Variants in SETD7 observed in about 807,000 individuals in gnomAD.
The protein encoded by SETD7 is histone-lysine N-methyltransferase SETD7.
A neutral mutation model predicts 41.8 loss-of-function variants in SETD7; 16 were observed. The ratio of observed to expected loss-of-function variants is 0.38; its 90% CI spans 0.26 to 0.58. The LOEUF is 0.58. Among genes scored for constraint, SETD7 ranks in the 20% least tolerant of loss-of-function variants. The pLI is 0.64. For synonymous variants in SETD7, 163 were observed against 169.7 expected (o/e 0.96, Z 0.31); for missense variants, 346 against 459.7 (o/e 0.75, Z 2.26).
intron 2 of SETD7, among the ~76,000 whole-genome samples, chr4:139,535,501 A>G (rs935410332): frequency 6.6e-6 from 1 of 152,156 alleles, no homozygotes; most frequent in Admixed American, 6.5e-5. Context: ...TAGTCTGCCA[A>G]TATTTCTCAG....
At chr4:139,543,694 C>T (rs1007276305) in intron 2 of SETD7, among the ~76,000 whole-genome samples, 5 of 151,498 alleles carry the variant, frequency 3.3e-5, no homozygotes, top group Admixed American at 1.3e-4. Flanking sequence ...GGCTCACACC[C>T]GTAATCCCAG....
rs769809052 is a variant in SETD7 at position 139,511,782 on chromosome 4, C to T, written c.982G>A (p.Asp328Asn). 21 of 1,614,026 alleles carry T rather than the reference C, an allele frequency of 1.3e-5. No individual in the cohort carries two copies. Among genetic ancestry groups the T allele is most frequent in the Non-Finnish European group, 1.7e-5 (20 of 1,180,006 alleles). ...CCATAGGCAACGGTGAGCTCTTCATCGGCCTCCACTGCTCTCAGGGTGCGG... is the reference window on the plus strand; with the variant it reads ...CCATAGGCAACGGTGAGCTCTTCATTGGCCTCCACTGCTCTCAGGGTGCGG... Reference protein sequence around the residue: ...CIRTLRAVEADEELTVAYGYD... With the variant: ...CIRTLRAVEANEELTVAYGYD... Residue 328 changes from aspartate to asparagine, a missense_variant, in exon 8 of 8, where the codon GAT becomes AAT. Asp to Asn is a conservative substitution (Grantham distance 23). Coordinates refer to ENST00000274031, the MANE Select transcript of SETD7 (RefSeq NM_030648.4).
intron 3 of SETD7, among the ~76,000 whole-genome samples, chr4:139,530,916 C>T (rs1727465931): frequency 6.6e-6 from 1 of 152,050 alleles, no homozygotes; most frequent in Non-Finnish European, 1.5e-5. Context: ...TTTTTTCTCC[C>T]CTTGTTCCTG....
intron 1 of SETD7, among the ~76,000 whole-genome samples, chr4:139,549,051 T>G (rs72726580): frequency 6.6e-6 from 1 of 152,334 alleles, no homozygotes; most frequent in Non-Finnish European, 1.5e-5. Flanking sequence ...AGTGTATTGC[T>G]AAGAGCTTTT....
intron 1 of SETD7, among the ~76,000 whole-genome samples, chr4:139,553,600 A>G (rs1366056176): frequency 6.6e-6 from 1 of 152,228 alleles, no homozygotes; most frequent in African/African-American, 2.4e-5. Context: ...TAACTTCTGT[A>G]TGCCTCAGTT....
chr4:139,496,399 C>T, exon 8 of SETD7: 2 of 702,522 alleles, frequency 2.8e-6, no homozygotes, highest in Non-Finnish European at 5.2e-6. Flanking sequence ...TTGGGCTGCA[C>T]TATAAAGAGG....
At chr4:139,532,971 C>A (rs746858641) in intron 3 of SETD7, 194 bp downstream of exon 3, 4 of 591,960 alleles carry the variant, frequency 6.8e-6, no homozygotes, top group Non-Finnish European at 1.2e-5. Flanking sequence ...TAATTAATAA[C>A]GGATTCAAGG....
At chr4:139,515,471 C>G (rs1162402210) in intron 7 of SETD7, among the ~76,000 whole-genome samples, 1 of 152,162 alleles carries the variant, frequency 6.6e-6, no homozygotes, top group African/African-American at 2.4e-5. Context: ...AAATCAACAA[C>G]CTGGTTTGTT....
At position 139,538,083 on chromosome 4, in the gene SETD7, T is replaced by C. The variant is rs1209159328; in HGVS notation, c.171-4717A>G. The stretch of plus-strand genomic sequence containing the variant: ...AAAAGCATCATCAAAGAAACAGTTA[T>C]GAAACACTGAAATAAAGAAATTTAT... On this transcript the variant is annotated intron_variant, in intron 2 of 7. Transcript: ENST00000274031. 3.3e-5 allele frequency among the ~76,000 whole-genome samples: 5 copies of C among 152,112 alleles called. No homozygotes were observed. In the South Asian group the frequency reaches 6.2e-4, roughly 19 times the overall value.
At chr4:139,547,150 T>G in intron 1 of SETD7, 101 bp from the exon 2 acceptor site, 1 of 1,449,620 alleles carries the variant, frequency 6.9e-7, no homozygotes, top group Non-Finnish European at 9.3e-7. Context: ...CCCACCCAAC[T>G]CCCCTCCAGC....
rs1447211224 is a variant in SETD7 at position 139,533,126 on chromosome 4, A to G, written c.372+39T>C. 7 of 1,530,410 alleles carry G rather than the reference A, an allele frequency of 4.6e-6. No homozygotes were observed. The African/African-American group carries it at 8.2e-5, about 18-fold the overall frequency. 94.8% of individuals were successfully genotyped at this position (1,530,410 alleles called of 1,614,324 possible). ...ACTCTTCATTGTGAAGAGTCACAGT[A>G]TGTTACTTTCCAGCAGAGTGAACAG... On this transcript the variant is annotated intron_variant, in intron 3 of 7. Coordinates refer to ENST00000274031, the MANE Select transcript of SETD7 (RefSeq NM_030648.4).
chr4:139,512,034 T>C (rs1401844953), intron 7 of SETD7, among the ~76,000 whole-genome samples, 191 bp from the exon 8 acceptor site: 1 of 152,062 alleles, frequency 6.6e-6, no homozygotes, highest in Non-Finnish European at 1.5e-5. Flanking sequence ...CTCGGCCCCA[T>C]CCCAGACCTG....
rs556704057 is a variant in SETD7 at position 139,533,988 on chromosome 4, T to G, written c.171-622A>C. On this transcript the variant is annotated intron_variant, in intron 2 of 7. Coordinates refer to ENST00000274031, the MANE Select transcript of SETD7 (RefSeq NM_030648.4). ...ATCTATGTATGTATGTATGTATGTATGTATATCTATGTATATACATACATC... is the reference window on the plus strand; with the variant it reads ...ATCTATGTATGTATGTATGTATGTAGGTATATCTATGTATATACATACATC... Among the ~76,000 whole-genome samples, 8 of 152,066 alleles carry G rather than the reference T, an allele frequency of 5.3e-5. No homozygotes were observed. In the South Asian group the frequency reaches 1.7e-3, roughly 32 times the overall value.
chr4:139,548,870 A>G (rs1158010023), intron 1 of SETD7, among the ~76,000 whole-genome samples: 1 of 152,234 alleles, frequency 6.6e-6, no homozygotes, highest in Non-Finnish European at 1.5e-5. Context: ...GAAGGGAACT[A>G]GGCCATAATT....
At chr4:139,540,444 T>C (rs147608323) in intron 2 of SETD7, among the ~76,000 whole-genome samples, 25 of 152,288 alleles carry the variant, frequency 1.6e-4, no homozygotes, top group African/African-American at 5.3e-4. Flanking sequence ...CTGTTTCAAG[T>C]TGGAAGATGG....
chr4:139,536,741 T>C (rs1002365352), intron 2 of SETD7, among the ~76,000 whole-genome samples: 1 of 149,974 alleles, frequency 6.7e-6, no homozygotes, highest in African/African-American at 2.5e-5. Context: ...TGGTGGCTCA[T>C]GCCTGTAATC....
chr4:139,556,118 A>G lies in SETD7; in HGVS notation c.20T>C (p.Met7Thr). The stretch of plus-strand genomic sequence containing the variant: ...TGTACCTTCCACCGCCTCCTCCACC[A>G]TCTCGTCGTCGCTATCCATGGCGGC... MDSDDE[M>T]VEEAVEGHLD... is the part of the protein sequence containing the mutation. The change falls in exon 1 of 8, where the codon ATG becomes ACG. Residue 7 changes from methionine to threonine, a missense_variant. This residue lies in a region of SETD7 where 266 missense variants were observed against 377.0 expected (regional missense o/e 0.71). Coordinates refer to ENST00000274031, the MANE Select transcript of SETD7 (RefSeq NM_030648.4). 4 of 1,604,226 alleles carry G rather than the reference A, an allele frequency of 2.5e-6. 1 individual carries two copies. The Middle Eastern group carries it at 6.6e-4, about 266-fold the overall frequency.
downstream of SETD7, among the ~76,000 whole-genome samples, chr4:139,495,518 C>T (rs547174023): frequency 1.5e-3 from 224 of 152,268 alleles, 1 homozygote; most frequent in African/African-American, 4.9e-3. Flanking sequence ...CTTACAATCA[C>T]GGCAAAAGGC....
rs929024837 is a variant in SETD7 at position 139,543,490 on chromosome 4, G to A, written c.170+3430C>T. Among the ~76,000 whole-genome samples the A allele has an allele frequency of 2.0e-5, 3 of 152,140 alleles. No individual in the cohort carries two copies. In the South Asian group the frequency reaches 6.2e-4, roughly 32 times the overall value. On this transcript the variant is annotated intron_variant, in intron 2 of 7. Coordinates refer to ENST00000274031, the MANE Select transcript of SETD7 (RefSeq NM_030648.4). Reference sequence around the variant, plus strand: ...CCTTTTGAGATCCTGTCACCACACTGTTCCATCATGTGTAATAAAACCAAT... The same window carrying A: ...CCTTTTGAGATCCTGTCACCACACTATTCCATCATGTGTAATAAAACCAAT...
Sources: gnomAD v4.1 joint callset for allele counts (sites outside exome capture counted in the v4.1 genomes callset) on GRCh38, gnomAD v4.1.1 for gene constraint, gnomAD v4.1.1 regional missense constraint, MANE v1.5 for transcripts, NCBI Gene and HGNC (gene_info 2026-07-23, HGNC 2026-07-21) for gene names.